The following MACROD2 variants were observed in gnomAD, a reference collection of about 807,000 sequenced individuals.
MACROD2 encodes mono-ADP ribosylhydrolase 2, also known as ADP-ribose glycohydrolase MACROD2.
In MACROD2, 36 loss-of-function variants were observed where a neutral mutation model predicts 70.4. The observed-to-expected ratio is 0.51, with a 90% CI of 0.39 to 0.68. The LOEUF (loss-of-function observed/expected upper bound fraction) is 0.68. MACROD2 is among the 30% of genes least tolerant of loss of function. The probability of loss-of-function intolerance (pLI) is 0.00; values close to 1 mark genes in which losing one functional copy is unlikely to be tolerated. For missense variants in MACROD2, 496 were observed against 538.4 expected (o/e 0.92, Z 0.78); for synonymous variants, 172 against 178.8 (o/e 0.96, Z 0.30).
At chr20:15,670,151 G>A (rs770693232) in intron 8 of MACROD2, among the ~76,000 whole-genome samples, 7 of 152,192 alleles carry the variant, frequency 4.6e-5, no homozygotes, top group Non-Finnish European at 7.3e-5. Flanking sequence ...AAAATGGGAA[G>A]CAACTATCTA....
chr20:15,021,116 A>G (rs2075168586), intron 5 of MACROD2, among the ~76,000 whole-genome samples: 1 of 116,074 alleles, frequency 8.6e-6, no homozygotes. Context: ...GTGTATGTGT[A>G]TACACGTGTG....
intron 3 of MACROD2, among the ~76,000 whole-genome samples, chr20:14,322,420 T>TTG (rs2082672324): frequency 6.7e-6 from 1 of 150,018 alleles, no homozygotes; most frequent in Non-Finnish European, 1.5e-5. Flanking sequence ...TTTTTTTTTT[T>TTG]TGCTTTTTAT....
intron 3 of MACROD2, among the ~76,000 whole-genome samples, chr20:14,487,703 G>A (rs1355534219): frequency 6.6e-6 from 1 of 152,122 alleles, no homozygotes; most frequent in Non-Finnish European, 1.5e-5. Flanking sequence ...TATGGCCTCT[G>A]CCTTCATGGA....
At chr20:14,955,339 TA>T (rs1394319002) in intron 5 of MACROD2, among the ~76,000 whole-genome samples, 1 of 145,746 alleles carries the variant, frequency 6.9e-6, no homozygotes, top group African/African-American at 2.5e-5. Context: ...ATATACTATA[TA>T]ATTTTTATTA....
chr20:14,354,913 C>G (rs911281062), intron 3 of MACROD2, among the ~76,000 whole-genome samples: 2 of 152,136 alleles, frequency 1.3e-5, no homozygotes, highest in African/African-American at 4.8e-5. Flanking sequence ...TGCATTAATT[C>G]ACTTAGGATA....
intron 3 of MACROD2, among the ~76,000 whole-genome samples, chr20:14,102,674 C>T (rs2054316427): frequency 6.6e-6 from 1 of 152,082 alleles, no homozygotes; most frequent in Non-Finnish European, 1.5e-5. Context: ...TCCAAATCAC[C>T]ACTGTTGATA....
intron 3 of MACROD2, among the ~76,000 whole-genome samples, chr20:14,197,623 C>T (rs1391649569): frequency 3.3e-5 from 5 of 152,052 alleles, no homozygotes; most frequent in Middle Eastern, 3.4e-3. Context: ...AAAAATTAGC[C>T]GGGTGTGGTG....
At chr20:14,837,815 A>G (rs767519733) in intron 5 of MACROD2, among the ~76,000 whole-genome samples, 6 of 151,996 alleles carry the variant, frequency 3.9e-5, no homozygotes, top group African/African-American at 7.2e-5. Context: ...AGTGTTTTGC[A>G]TATACTAAAA....
chr20:15,772,370 G>A (rs1437113860), intron 8 of MACROD2, among the ~76,000 whole-genome samples: 1 of 151,702 alleles, frequency 6.6e-6, no homozygotes, highest in Non-Finnish European at 1.5e-5. Flanking sequence ...AGAAAACTGG[G>A]GCTCAGAAAA....
intron 3 of MACROD2, among the ~76,000 whole-genome samples, chr20:14,213,431 A>G (rs998313310): frequency 4.2e-5 from 6 of 141,430 alleles, no homozygotes; most frequent in Admixed American, 3.8e-4. Flanking sequence ...TTTTGGTACC[A>G]AGATCTGAGA....
At chr20:14,928,722 A>G (rs905533357) in intron 5 of MACROD2, among the ~76,000 whole-genome samples, 3 of 152,184 alleles carry the variant, frequency 2.0e-5, no homozygotes, top group Non-Finnish European at 4.4e-5. Flanking sequence ...GGATGTCTAC[A>G]TGAAACAACC....
chr20:15,156,543 G>A (rs921531583), intron 5 of MACROD2, among the ~76,000 whole-genome samples: 5 of 151,986 alleles, frequency 3.3e-5, no homozygotes, highest in Admixed American at 2.0e-4. Context: ...GATAAAACCT[G>A]TAGTGCTTTG....
chr20:16,035,969 A>C (rs979057147), intron 15 of MACROD2, among the ~76,000 whole-genome samples: 2 of 152,030 alleles, frequency 1.3e-5, no homozygotes, highest in Admixed American at 1.3e-4. Context: ...CAGCATCAAG[A>C]GAGAGTGAAG....
chr20:15,959,644 C>G (rs2066030631), intron 12 of MACROD2, among the ~76,000 whole-genome samples: 1 of 152,180 alleles, frequency 6.6e-6, no homozygotes, highest in South Asian at 2.1e-4. Flanking sequence ...ATTCTCCTGT[C>G]TCAGCCTCCC....
intron 3 of MACROD2, among the ~76,000 whole-genome samples, chr20:14,461,706 C>A (rs541967538): frequency 6.7e-6 from 1 of 149,886 alleles, no homozygotes; most frequent in South Asian, 2.1e-4. Context: ...CTTCGTGTGT[C>A]CATGTGTTCT....
At chr20:15,844,481 A>G (rs2064207801) in intron 8 of MACROD2, among the ~76,000 whole-genome samples, 1 of 152,130 alleles carries the variant, frequency 6.6e-6, no homozygotes, top group African/African-American at 2.4e-5. Context: ...TTGAACATGT[A>G]AGCCCCATTT....
chr20:15,555,828 C>CAA (rs397838341), intron 8 of MACROD2, among the ~76,000 whole-genome samples: 449 of 18,506 alleles, frequency 0.024, 14 homozygotes, highest in South Asian at 0.045. Flanking sequence ...GACTCCATCT[C>CAA]AAAAAAAAAA....
chr20:14,796,988 C>G (rs777199880), intron 5 of MACROD2, among the ~76,000 whole-genome samples: 7 of 152,070 alleles, frequency 4.6e-5, no homozygotes, highest in Admixed American at 1.3e-4. Flanking sequence ...CTTCCATAAG[C>G]CCCCTCCTCT....
intron 3 of MACROD2, among the ~76,000 whole-genome samples, chr20:14,210,229 A>G (rs539308589): frequency 2.0e-5 from 3 of 152,352 alleles, no homozygotes; most frequent in East Asian, 3.9e-4. Flanking sequence ...ACCAGGAAGG[A>G]TAAGTCAAAC....
Sources: allele counts gnomAD v4.1 joint callset (sites outside exome capture counted in the v4.1 genomes callset), GRCh38; gene constraint gnomAD v4.1.1; transcripts MANE v1.5; gene names NCBI Gene and HGNC (gene_info 2026-07-23, HGNC 2026-07-21).